Variants in CDYL observed in about 807,000 individuals in gnomAD.
CDYL encodes chromodomain Y like.
A neutral mutation model predicts 47.3 loss-of-function variants in CDYL; 8 were observed. The ratio of observed to expected loss-of-function variants is 0.17; its 90% confidence interval spans 0.10 to 0.31. The LOEUF (loss-of-function observed/expected upper bound fraction) is 0.31. Ranked by LOEUF, CDYL falls within the 10% of genes least tolerant of loss-of-function variation. CDYL has a pLI of 1.00. For missense variants in CDYL, 471 were observed against 701.4 expected, an observed-to-expected ratio of 0.67 and a Z score of 3.71; for synonymous variants, 266 against 265.0, an observed-to-expected ratio of 1.00 and a Z score of -0.04.
intron 1 of CDYL, among the ~76,000 whole-genome samples, chr6:4,853,425 C>T (rs1344765226): frequency 4.6e-5 from 7 of 152,190 alleles, no homozygotes; most frequent in Admixed American, 6.5e-5. Context: ...CTTCCAACTG[C>T]GGAACCTCCA....
At position 4,728,199 on chromosome 6, in the gene CDYL, C is replaced by T. The variant is rs566442113; in HGVS notation, c.104-6563C>T. Among the ~76,000 whole-genome samples, 40 of 152,306 alleles carry T rather than the reference C, an allele frequency of 2.6e-4. 1 individual carries two copies. The highest frequency in any genetic ancestry group is 9.6e-4 in the African/African-American group (40 of 41,550). On this transcript the variant is annotated intron_variant, in intron 2 of 8. Coordinates refer to the CDYL transcript ENST00000328908. Reference sequence around the variant, plus strand: ...TTACTTCTTTTATCTCTGGTCACACCCAGCAAAATTAAGCTTGCTTGTGGA... The same window carrying T: ...TTACTTCTTTTATCTCTGGTCACACTCAGCAAAATTAAGCTTGCTTGTGGA...
intron 2 of CDYL, among the ~76,000 whole-genome samples, chr6:4,922,555 A>AACGAGCAGC (rs1757747645): frequency 6.6e-6 from 1 of 152,192 alleles, no homozygotes; most frequent in African/African-American, 2.4e-5. Context: ...GTGCAGCTTT[A>AACGAGCAGC]ACGAGCAGCA....
Position 4,755,677 on chromosome 6 carries a change from A to G in CDYL, c.186+20833A>G, listed in dbSNP as rs553055360. ...AAAACTTTTATCAATTATATACTAC[A>G]TACTACAACGGCTGCTTTAAAAACA... On this transcript the variant is annotated intron_variant, in intron 3 of 8. Transcript: ENST00000328908. Among the ~76,000 whole-genome samples the G allele has an allele frequency of 3.3e-5, 5 of 152,322 alleles. No individual in the cohort carries two copies. The South Asian group carries it at 1.0e-3, about 32-fold the overall frequency.
chr6:4,741,252 A>G (rs941566598), intron 3 of CDYL, among the ~76,000 whole-genome samples: 2 of 151,394 alleles, frequency 1.3e-5, no homozygotes, highest in African/African-American at 2.4e-5. Flanking sequence ...CAACTGATCC[A>G]TGGACCAGAT....
At chr6:4,856,211 G>A (rs1345976396) in intron 1 of CDYL, among the ~76,000 whole-genome samples, 1 of 152,204 alleles carries the variant, frequency 6.6e-6, no homozygotes, top group Non-Finnish European at 1.5e-5. Context: ...CATAAAATAT[G>A]TCAGACTGTG....
At chr6:4,833,000 T>C (rs1158545441) in intron 1 of CDYL, among the ~76,000 whole-genome samples, 1 of 151,744 alleles carries the variant, frequency 6.6e-6, no homozygotes, top group Non-Finnish European at 1.5e-5. Flanking sequence ...TCTATCAATT[T>C]TGTTGATCCT....
At chr6:4,859,208 T>A (rs1190866189) in intron 1 of CDYL, among the ~76,000 whole-genome samples, 1 of 152,216 alleles carries the variant, frequency 6.6e-6, no homozygotes, top group Non-Finnish European at 1.5e-5. Flanking sequence ...AGCAGAGACA[T>A]GTTCTGTGGA....
At chr6:4,804,599 G>T (rs1228548466) in intron 1 of CDYL, among the ~76,000 whole-genome samples, 2 of 152,042 alleles carry the variant, frequency 1.3e-5, no homozygotes, top group Non-Finnish European at 2.9e-5. Context: ...CATCACTCTC[G>T]CCCCACTGCT....
intron 5 of CDYL, among the ~76,000 whole-genome samples, chr6:4,950,727 G>A (rs1371145818): frequency 6.6e-6 from 1 of 152,020 alleles, no homozygotes; most frequent in Non-Finnish European, 1.5e-5. Flanking sequence ...AGGAGATCGA[G>A]ACCATCCTGG....
intron 1 of CDYL, among the ~76,000 whole-genome samples, chr6:4,891,175 A>G (rs904336985): frequency 3.3e-5 from 5 of 152,246 alleles, no homozygotes; most frequent in African/African-American, 1.2e-4. Flanking sequence ...TATTACAATC[A>G]AGTATGATGT....
chr6:4,727,218 A>G (rs1214634631), intron 2 of CDYL, among the ~76,000 whole-genome samples: 1 of 152,156 alleles, frequency 6.6e-6, no homozygotes, highest in Non-Finnish European at 1.5e-5. Flanking sequence ...GAGTTTCCAG[A>G]GAAGTGTGGG....
At chr6:4,919,891 G>A (rs939711955) in intron 2 of CDYL, among the ~76,000 whole-genome samples, 3 of 152,002 alleles carry the variant, frequency 2.0e-5, no homozygotes, top group African/African-American at 7.3e-5. Flanking sequence ...GCCGGGTGGT[G>A]AAGAAATCTT....
At chr6:4,795,476 G>T (rs1274849889) in intron 1 of CDYL, among the ~76,000 whole-genome samples, 1 of 151,908 alleles carries the variant, frequency 6.6e-6, no homozygotes, top group African/African-American at 2.4e-5. Context: ...GGCTTTACTT[G>T]CCTAAAAAAT....
chr6:4,845,003 AT>A (rs1257175860), intron 1 of CDYL, among the ~76,000 whole-genome samples: 1 of 152,212 alleles, frequency 6.6e-6, no homozygotes, highest in Admixed American at 6.5e-5. Flanking sequence ...CCAATCAAAA[AT>A]AGAAGGGCCA....
intron 3 of CDYL, among the ~76,000 whole-genome samples, chr6:4,747,489 C>T (rs1424889903): frequency 6.6e-6 from 1 of 152,132 alleles, no homozygotes; most frequent in Non-Finnish European, 1.5e-5. Flanking sequence ...TCATGTCCCA[C>T]TCCTGCCACT....
chr6:4,818,817 C>G (rs575691472), intron 1 of CDYL, among the ~76,000 whole-genome samples: 1 of 152,306 alleles, frequency 6.6e-6, no homozygotes, highest in East Asian at 1.9e-4. Context: ...ATCATGTTAA[C>G]TTGAGTGTAA....
At chr6:4,773,094 A>G, upstream of CDYL, 4 of 457,292 alleles carry the variant, frequency 8.7e-6, no homozygotes, top group Non-Finnish European at 1.8e-5. The surrounding 1 kb of genome is among the most constrained non-coding windows in gnomAD (Gnocchi z 4.6). Context: ...TATCGTCGGT[A>G]GAACTTGCCA....
intron 1 of CDYL, among the ~76,000 whole-genome samples, chr6:4,801,939 G>C (rs917615002): frequency 7.2e-5 from 11 of 152,276 alleles, no homozygotes; most frequent in African/African-American, 2.6e-4. Context: ...TAGTTCAGCT[G>C]TCAGCTAGGG....
At chr6:4,877,290 G>A (rs528603423) in intron 1 of CDYL, among the ~76,000 whole-genome samples, 1 of 152,028 alleles carries the variant, frequency 6.6e-6, no homozygotes, top group African/African-American at 2.4e-5. Context: ...CTCACAATCT[G>A]TCCCCGTCAA....
Sources: gnomAD v4.1 joint callset for allele counts (sites outside exome capture counted in the v4.1 genomes callset) on GRCh38, gnomAD v4.1.1 for gene constraint, Gnocchi (gnomAD v3.1) non-coding constraint, MANE v1.5 for transcripts, NCBI Gene and HGNC (gene_info 2026-07-23, HGNC 2026-07-21) for gene names.